Variants in ZNF362 observed in about 807,000 individuals in gnomAD.
ZNF362 encodes the protein rotund homolog.
A neutral mutation model predicts 42.9 loss-of-function variants in ZNF362; 11 were observed. The observed-to-expected ratio is 0.26, with a 90% CI of 0.16 to 0.42. ZNF362 has a LOEUF of 0.42. ZNF362 is among the 20% of genes least tolerant of loss of function. The probability of loss-of-function intolerance (pLI) is 1.00; values close to 1 mark genes in which losing one functional copy is unlikely to be tolerated. For missense variants in ZNF362, 362 were observed against 576.2 expected (o/e 0.63, Z 3.81); for synonymous variants, 255 against 257.3 (o/e 0.99, Z 0.09).
chr1:33,227,457 A>G, the ZNF362 span, among the ~76,000 whole-genome samples: 3 of 152,210 alleles, frequency 2.0e-5, no homozygotes, highest in African/African-American at 4.8e-5. Flanking sequence ...CAAGCCATAT[A>G]TAAGCCATGA....
chr1:33,292,868 A>C (rs915679558), intron 6 of ZNF362, among the ~76,000 whole-genome samples: 2 of 152,226 alleles, frequency 1.3e-5, no homozygotes, highest in African/African-American at 4.8e-5. Flanking sequence ...ATGACCCTTA[A>C]GGTCCTTCCA....
chr1:33,137,968 CA>C, the ZNF362 span, among the ~76,000 whole-genome samples: 5 of 152,106 alleles, frequency 3.3e-5, no homozygotes, highest in Non-Finnish European at 5.9e-5. Flanking sequence ...AGGGAGGTGG[CA>C]GGGGAAAGGG....
chr1:33,131,486 T>A, the ZNF362 span, among the ~76,000 whole-genome samples: 1 of 152,324 alleles, frequency 6.6e-6, no homozygotes, highest in South Asian at 2.1e-4. Flanking sequence ...AAATTGAATG[T>A]GTTATAAGTG....
the ZNF362 span, among the ~76,000 whole-genome samples, chr1:33,203,446 G>C: frequency 1.3e-5 from 2 of 152,228 alleles, no homozygotes; most frequent in Non-Finnish European, 1.5e-5. Context: ...GAGTACAGAC[G>C]TTTCTATGAG....
the ZNF362 span, chr1:33,142,162 A>C: frequency 6.6e-6 from 1 of 152,214 alleles, no homozygotes; most frequent in Non-Finnish European, 1.5e-5. Context: ...AGCCTGTGAT[A>C]CCGGGCCTTT....
the ZNF362 span, chr1:33,142,654 C>G: frequency 6.6e-6 from 1 of 152,246 alleles, no homozygotes; most frequent in Non-Finnish European, 1.5e-5. Context: ...ACTTGACTTA[C>G]AATTGCACAA....
the ZNF362 span, among the ~76,000 whole-genome samples, chr1:33,148,478 A>G: frequency 6.6e-6 from 1 of 152,142 alleles, no homozygotes; most frequent in Non-Finnish European, 1.5e-5. Flanking sequence ...TAAGGGCAAC[A>G]CCACTGACTG....
chr1:33,127,801 G>A, the ZNF362 span, among the ~76,000 whole-genome samples: 1 of 152,176 alleles, frequency 6.6e-6, no homozygotes, highest in Non-Finnish European at 1.5e-5. Flanking sequence ...CTAGGCCAAG[G>A]AGTTTTACAT....
At chr1:33,170,935 C>T in the ZNF362 span, among the ~76,000 whole-genome samples, 3 of 152,178 alleles carry the variant, frequency 2.0e-5, no homozygotes, top group African/African-American at 7.2e-5. Context: ...CCTGGGTGCT[C>T]GGGAGACAGA....
chr1:33,148,514 G>A, the ZNF362 span, among the ~76,000 whole-genome samples: 1 of 152,146 alleles, frequency 6.6e-6, no homozygotes, highest in Non-Finnish European at 1.5e-5. Flanking sequence ...ATAGGCATTT[G>A]AGGCAGGATG....
the ZNF362 span, among the ~76,000 whole-genome samples, chr1:33,244,505 G>T: frequency 6.6e-5 from 10 of 152,204 alleles, no homozygotes; most frequent in African/African-American, 2.4e-4. The surrounding 1 kb of genome is among the most constrained non-coding windows in gnomAD (Gnocchi z 4.0). Context: ...AATGACCAAG[G>T]GGACAAGGAC....
chr1:33,289,212 C>T (rs919256512), intron 6 of ZNF362, among the ~76,000 whole-genome samples: 4 of 152,136 alleles, frequency 2.6e-5, no homozygotes, highest in African/African-American at 4.8e-5. Flanking sequence ...CGAGGCCCGC[C>T]GGGAGGCTGC....
At chr1:33,288,954 G>C (rs1356538711) in intron 6 of ZNF362, among the ~76,000 whole-genome samples, 2 of 152,052 alleles carry the variant, frequency 1.3e-5, no homozygotes, top group Non-Finnish European at 2.9e-5. Flanking sequence ...AGGTAGCCTG[G>C]TCCTTCCTTA....
chr1:33,295,893 G>C (rs191799019), intron 8 of ZNF362, among the ~76,000 whole-genome samples: 19 of 152,316 alleles, frequency 1.2e-4, no homozygotes, highest in Non-Finnish European at 2.4e-4. Flanking sequence ...AGAGGTCACT[G>C]AGCCTCAGTT....
the ZNF362 span, among the ~76,000 whole-genome samples, chr1:33,129,984 C>T: frequency 1.3e-5 from 2 of 152,058 alleles, no homozygotes; most frequent in Admixed American, 1.3e-4. This position sits in a 1 kb window ranked among gnomAD's most constrained non-coding sequence, Gnocchi z 4.1. Flanking sequence ...CTCAGCCTCC[C>T]GAGTAGTTGG....
the ZNF362 span, among the ~76,000 whole-genome samples, chr1:33,154,345 G>A: frequency 6.6e-6 from 1 of 152,182 alleles, no homozygotes; most frequent in Non-Finnish European, 1.5e-5. Context: ...GCTGCCACCT[G>A]CTCCATGTCT....
chr1:33,153,084 G>A, the ZNF362 span, among the ~76,000 whole-genome samples: 21 of 152,278 alleles, frequency 1.4e-4, no homozygotes, highest in African/African-American at 4.8e-4. Flanking sequence ...GCAGGGGAGT[G>A]ACAGGTGCTG....
the ZNF362 span, chr1:33,181,655 T>C: frequency 1.4e-5 from 11 of 764,676 alleles, no homozygotes; most frequent in African/African-American, 2.1e-4. This position sits in a 1 kb window ranked among gnomAD's most constrained non-coding sequence, Gnocchi z 6.5. Flanking sequence ...GAGGGCAGTC[T>C]AGAGGTAGTG....
At chr1:33,147,761 G>C in the ZNF362 span, 2 of 1,590,984 alleles carry the variant, frequency 1.3e-6, no homozygotes. This position sits in a 1 kb window ranked among gnomAD's most constrained non-coding sequence, Gnocchi z 8.1. Flanking sequence ...GAAGATGAGT[G>C]GGGAGAAGGC....
Sources: gnomAD v4.1 joint callset for allele counts (sites outside exome capture counted in the v4.1 genomes callset) on GRCh38, gnomAD v4.1.1 for gene constraint, Gnocchi (gnomAD v3.1) non-coding constraint, MANE v1.5 for transcripts, NCBI Gene and HGNC (gene_info 2026-07-23, HGNC 2026-07-21) for gene names.